The following WDR59 variants were observed in gnomAD, a reference collection of about 807,000 sequenced individuals.
WDR59 encodes GATOR2 complex protein WDR59.
A neutral mutation model predicts 131.2 loss-of-function variants in WDR59; 100 were observed. That is an observed-to-expected ratio of 0.76 (90% CI 0.65 to 0.90). The LOEUF (loss-of-function observed/expected upper bound fraction) is 0.90. Ranked by LOEUF, WDR59 falls within the 40% of genes least tolerant of loss-of-function variation. The probability of loss-of-function intolerance (pLI) is 0.00; values close to 1 mark genes in which losing one functional copy is unlikely to be tolerated. For missense variants in WDR59, 1,203 were observed against 1,262.2 expected (o/e 0.95, Z 0.71); for synonymous variants, 601 against 466.2 (o/e 1.29, Z -3.72).
chr16:74,951,362 A>G (rs1318706925), intron 4 of WDR59, 96 bp downstream of exon 4: 8 of 1,226,908 alleles, frequency 6.5e-6, no homozygotes, highest in African/African-American at 1.5e-5. Context: ...CAACACAGAC[A>G]GTCAAGCCAT....
At chr16:74,919,179 CAG>C (rs1322627056) in intron 10 of WDR59, among the ~76,000 whole-genome samples, 3 of 152,158 alleles carry the variant, frequency 2.0e-5, no homozygotes, top group Non-Finnish European at 2.9e-5. Flanking sequence ...TGCCTTCCAA[CAG>C]AGAGGGCAGC....
chr16:74,900,165 G>A (rs1408524626), intron 18 of WDR59, among the ~76,000 whole-genome samples: 1 of 152,160 alleles, frequency 6.6e-6, no homozygotes, highest in Non-Finnish European at 1.5e-5. Context: ...CATATATTGA[G>A]AGCACATACT....
At chr16:74,925,872 C>A (rs952690962) in intron 8 of WDR59, among the ~76,000 whole-genome samples, 20 of 151,724 alleles carry the variant, frequency 1.3e-4, no homozygotes, top group African/African-American at 4.4e-4. Flanking sequence ...CCTCACCTAG[C>A]TGATTGGGAG....
intron 1 of WDR59, among the ~76,000 whole-genome samples, chr16:74,967,576 C>A (rs116115344): frequency 0.018 from 2,812 of 152,160 alleles, 81 homozygotes; most frequent in African/African-American, 0.065. Flanking sequence ...AGATAGAACT[C>A]GGCTGGGCGC....
chr16:74,976,985 T>A (rs748796744), intron 1 of WDR59, among the ~76,000 whole-genome samples: 1 of 151,830 alleles, frequency 6.6e-6, no homozygotes, highest in African/African-American at 2.4e-5. Context: ...CTGGGCGACA[T>A]TGCGAGACCC....
rs759999754 is a variant in WDR59, at chr16:74,927,164, C to CA, written c.652-3162dup. 1.4e-3 allele frequency among the ~76,000 whole-genome samples: 214 copies of CA among 150,346 alleles called. 1 individual carries two copies. Among genetic ancestry groups the CA allele is most frequent in the African/African-American group, 4.9e-3 (201 of 40,982 alleles). ...GTGTTAGCATAATTTTGCCTATTTC[C>CA]AAAAAAAAATTAATGATTTAGATTG... On this transcript the variant is annotated intron_variant, in intron 8 of 25. Transcript: ENST00000262144.
At chr16:74,902,630 C>T (rs1268141127) in intron 18 of WDR59, among the ~76,000 whole-genome samples, 1 of 152,078 alleles carries the variant, frequency 6.6e-6, no homozygotes, top group Non-Finnish European at 1.5e-5. Context: ...TCAGAACTGC[C>T]TCTTGGATTG....
At position 74,951,530 on chromosome 16, in the gene WDR59, A is replaced by G; in HGVS notation, c.254T>C (p.Val85Ala). The G allele has an allele frequency of 6.3e-7, 1 of 1,596,104 alleles. No individual in the cohort carries two copies. The highest frequency in any genetic ancestry group is 8.5e-7 in the Non-Finnish European group (1 of 1,171,754). ...HYFAASSNQR[V>A]DLYKWKDGSG... is the part of the protein sequence containing the mutation. ...GCCGTCTTTCCACTTGTAAAGGTCT[A>G]CTCGTTGGTTACTCTGAAAAGAAAG... is the stretch of plus-strand genomic sequence containing the variant. The change falls in exon 4 of 26, where the codon GTA (valine) becomes GCA (alanine). Residue 85 changes from valine (V) to alanine (A), a missense_variant. Transcript: ENST00000262144.
intron 9 of WDR59, among the ~76,000 whole-genome samples, chr16:74,922,950 G>C (rs73605959): frequency 0.017 from 2,636 of 152,222 alleles, 56 homozygotes; most frequent in African/African-American, 0.06. Flanking sequence ...CCATCCCTGT[G>C]CTAGCTTTCA....
At chr16:74,945,647 G>A (rs895972880) in intron 6 of WDR59, among the ~76,000 whole-genome samples, 1 of 151,890 alleles carries the variant, frequency 6.6e-6, no homozygotes, top group Non-Finnish European at 1.5e-5. Context: ...GCAGAGCAGT[G>A]GAACTGTTAA....
chr16:74,915,546 C>T (rs1966327027), intron 13 of WDR59: 1 of 219,286 alleles, frequency 4.6e-6, no homozygotes. Context: ...TCCTGTGCCT[C>T]AGCCTCTCGA....
intron 1 of WDR59, among the ~76,000 whole-genome samples, chr16:74,981,790 G>T (rs1411175351): frequency 7.1e-6 from 1 of 140,690 alleles, no homozygotes; most frequent in Non-Finnish European, 1.5e-5. Context: ...CAAGTAGCTG[G>T]GATTACAGGT....
rs186811828 is a variant in WDR59 at position 74,908,996 on chromosome 16, C to T, written c.1643-19G>A. The T allele has an allele frequency of 7.7e-4, 1,235 of 1,609,262 alleles. 7 individuals are homozygous for T. In the African/African-American group the frequency reaches 0.015, roughly 20 times the overall value. On this transcript the variant is annotated intron_variant, in intron 16 of 25. Transcript: ENST00000262144. ...AGGTAACCTAAAGGAGGAGACATCA[C>T]ATGAGCCATCAGTGTCAACAAGCTG...
rs1338119884 is a variant in WDR59, at chr16:74,872,911, T to A, written c.*1298A>T. The A allele has an allele frequency of 6.6e-6, 1 of 151,662 alleles. No homozygotes were observed. Among genetic ancestry groups the A allele is most frequent in the African/African-American group, 2.4e-5 (1 of 41,210 alleles). The allele number at this position is 151,662 out of a possible 1,614,324, so 9.4% of individuals were successfully genotyped here. On this transcript the variant is annotated 3_prime_UTR_variant, in exon 26 of 26. Transcript: ENST00000262144. ...ACCACACCCGGCTATTTTTTTAATT[T>A]TTTTTTTCTTTTTTTGAGACAGAGT... is the stretch of plus-strand genomic sequence containing the variant.
chr16:74,949,443 A>G (rs1460946869), intron 5 of WDR59, among the ~76,000 whole-genome samples: 2 of 146,768 alleles, frequency 1.4e-5, no homozygotes, highest in Admixed American at 1.4e-4. Context: ...GGAGGGAAAG[A>G]AGGAGGGAGG....
At chr16:74,945,709 G>A (rs1171028360) in intron 6 of WDR59, among the ~76,000 whole-genome samples, 4 of 151,786 alleles carry the variant, frequency 2.6e-5, no homozygotes, top group Admixed American at 2.0e-4. Context: ...TGCAACAAAT[G>A]CTCAGTCCCC....
At position 74,921,727 on chromosome 16, in the gene WDR59, C is replaced by T. The variant is rs150503770; in HGVS notation, c.886+220G>A. On this transcript the variant is annotated intron_variant, in intron 10 of 25. Coordinates refer to ENST00000262144, the MANE Select transcript of WDR59 (RefSeq NM_030581.4). ...TATCTCTTCCAAGCAAGAGAGACTA[C>T]GCTGACAATTGTGGAAGAGGACAGA... Among the ~76,000 whole-genome samples the T allele has an allele frequency of 1.8e-3, 269 of 152,206 alleles. 1 individual carries two copies. Among genetic ancestry groups the T allele is most frequent in the Admixed American group, 2.9e-3 (44 of 15,260 alleles).
chr16:74,911,795 T>C lies in WDR59; in HGVS notation c.1389+403A>G, dbSNP rs113317063. 3.9e-4 allele frequency among the ~76,000 whole-genome samples: 60 copies of C among 152,310 alleles called. 1 individual carries two copies. Among genetic ancestry groups the C allele is most frequent in the Middle Eastern group, 3.4e-3 (1 of 294 alleles). On this transcript the variant is annotated intron_variant, in intron 14 of 25. Transcript: ENST00000262144. ...GGTAAATGAAATTGGACTGCAGGGC[T>C]CCTAACCTGGGCTGCTAAATGAAAT...
chr16:74,957,529 A>G (rs1239637377), intron 2 of WDR59, among the ~76,000 whole-genome samples: 1 of 152,214 alleles, frequency 6.6e-6, no homozygotes, highest in Non-Finnish European at 1.5e-5. Flanking sequence ...TTCCTGGTCA[A>G]GAAAACTCAA....
Sources: gnomAD v4.1 joint callset for allele counts (sites outside exome capture counted in the v4.1 genomes callset) on GRCh38, gnomAD v4.1.1 for gene constraint, MANE v1.5 for transcripts, NCBI Gene and HGNC (gene_info 2026-07-23, HGNC 2026-07-21) for gene names.